Variants in SPTBN4 observed in about 807,000 individuals in gnomAD.
The protein encoded by SPTBN4 is spectrin beta, non-erythrocytic 4.
In SPTBN4, 96 loss-of-function variants were observed where a neutral mutation model predicts 277.8. The ratio of observed to expected loss-of-function variants is 0.35; its 90% CI spans 0.29 to 0.41. The LOEUF (loss-of-function observed/expected upper bound fraction) is 0.41. SPTBN4 is among the 10% of genes least tolerant of loss of function. The pLI is 1.00. For missense variants in SPTBN4, 3,006 were observed against 3,595.7 expected (o/e 0.84, Z 4.19); for synonymous variants, 1,481 against 1,580.3 (o/e 0.94, Z 1.49).
At chr19:40,572,669 G>T in intron 35 of SPTBN4, 1 of 448,912 alleles carries the variant, frequency 2.2e-6, no homozygotes, top group Non-Finnish European at 4.1e-6. Flanking sequence ...TTTAAAAAGG[G>T]GTGATTTGGC....
intron 20 of SPTBN4, among the ~76,000 whole-genome samples, chr19:40,541,559 C>T (rs1033799231): frequency 6.6e-6 from 1 of 152,158 alleles, no homozygotes; most frequent in Non-Finnish European, 1.5e-5. Context: ...GTCCCATCCA[C>T]CCTTAGGGCA....
At chr19:40,470,748 T>C (rs942784420) in intron 1 of SPTBN4, among the ~76,000 whole-genome samples, 5 of 152,074 alleles carry the variant, frequency 3.3e-5, no homozygotes, top group African/African-American at 9.7e-5. Flanking sequence ...TTCTCCTCCC[T>C]CAGCCTCCTG....
intron 7 of SPTBN4, among the ~76,000 whole-genome samples, chr19:40,498,413 A>AT (rs1555812395): frequency 7.8e-6 from 1 of 127,748 alleles, no homozygotes; most frequent in African/African-American, 3.2e-5. Context: ...TTATTTATTT[A>AT]TTTATTTTTT....
intron 25 of SPTBN4, 26 bp from the exon 26 acceptor site, chr19:40,556,997 C>CA (rs780562226): frequency 1.8e-4 from 63 of 353,114 alleles, no homozygotes; most frequent in South Asian, 3.5e-4. Flanking sequence ...CTTTGCTGTA[C>CA]CCCCCCCCCC....
intron 13 of SPTBN4, among the ~76,000 whole-genome samples, chr19:40,511,240 C>T (rs1444274948): frequency 8.7e-6 from 1 of 114,866 alleles, no homozygotes; most frequent in Non-Finnish European, 1.7e-5. Context: ...CCCATCTCTA[C>T]TAAAAATACA....
chr19:40,503,771 T>C (rs1354744176), intron 11 of SPTBN4, 59 bp from the exon 12 acceptor site: 1 of 1,515,636 alleles, frequency 6.6e-7, no homozygotes, highest in Non-Finnish European at 8.9e-7. Flanking sequence ...TCACACAGGG[T>C]CAAGGTAACA....
At chr19:40,504,405 A>G (rs1192690169) in intron 12 of SPTBN4, among the ~76,000 whole-genome samples, 2 of 152,162 alleles carry the variant, frequency 1.3e-5, no homozygotes, top group Admixed American at 6.5e-5. Flanking sequence ...GGTGGCTCAC[A>G]CCTGTAATAC....
intron 16 of SPTBN4, 58 bp downstream of exon 16, chr19:40,520,209 C>A: frequency 2.4e-6 from 3 of 1,273,076 alleles, no homozygotes; most frequent in South Asian, 2.7e-5. Context: ...GGGGGGATTG[C>A]AGGGACAGGG....
At chr19:40,572,946 C>T (rs566104973) in intron 35 of SPTBN4, among the ~76,000 whole-genome samples, 7 of 151,958 alleles carry the variant, frequency 4.6e-5, no homozygotes, top group African/African-American at 1.7e-4. Flanking sequence ...GGGACAACAG[C>T]GAGACTTCCT....
intron 20 of SPTBN4, among the ~76,000 whole-genome samples, chr19:40,539,811 A>G (rs1049755111): frequency 6.6e-6 from 1 of 152,112 alleles, no homozygotes; most frequent in Admixed American, 6.6e-5. Context: ...TAAAATGGGC[A>G]TAATGATATT....
intron 2 of SPTBN4, among the ~76,000 whole-genome samples, chr19:40,481,552 T>C (rs1434078887): frequency 6.6e-6 from 1 of 152,144 alleles, no homozygotes; most frequent in Admixed American, 6.6e-5. Flanking sequence ...CTCTGCTCAC[T>C]GCAACCCCCG....
At chr19:40,532,296 G>A (rs2080684650) in intron 18 of SPTBN4, among the ~76,000 whole-genome samples, 1 of 142,458 alleles carries the variant, frequency 7.0e-6, no homozygotes, top group African/African-American at 2.6e-5. Flanking sequence ...TTTGGGGGGG[G>A]TGATCTGTCC....
In SPTBN4 at chr19:40,554,275, C is replaced by T; in HGVS notation, c.4803C>T (p.Ser1601=). The T allele has an allele frequency of 6.5e-7, 1 of 1,535,514 alleles. No homozygotes were observed. The highest frequency in any genetic ancestry group is 8.7e-7 in the Non-Finnish European group (1 of 1,147,154). ...GCCGGGGCCTGGAGCAGCTGCAGAG[C>T]GCCTGGGCCGGACTGCGGGAGGCTG... is the stretch of plus-strand genomic sequence containing the variant. ...AVRRGLEQLQ[S]AWAGLREAAE... Residue 1601 remains serine, a synonymous_variant, in exon 23 of 36, where the codon AGC becomes AGT. Coordinates refer to ENST00000598249, the MANE Select transcript of SPTBN4 (RefSeq NM_020971.3). The surrounding 1 kb of genome is among the most constrained non-coding windows in gnomAD (Gnocchi z 5.7).
In SPTBN4 at chr19:40,557,144, C is replaced by T; in HGVS notation, c.5411C>T (p.Thr1804Ile). 6.2e-7 allele frequency: 1 copy of T among 1,611,384 alleles called. No homozygotes were observed. The highest frequency in any genetic ancestry group is 1.3e-5 in the African/African-American group (1 of 74,996). The change falls in exon 26 of 36, where the codon ACC (threonine) becomes ATC (isoleucine). Residue 1804 changes from threonine to isoleucine, a missense_variant. Physicochemically the swap from Thr to Ile is moderately conservative, Grantham distance 89. Transcript: ENST00000598249. ...GAGTGTGGCCATACAGCAGCGGCCA[C>T]CATGGCCGAGTGGAAGGACGGACTG... ...LIECGHTAAA[T>I]MAEWKDGLNE... is the part of the protein sequence containing the mutation.
At chr19:40,538,703 T>C (rs2080766116) in intron 20 of SPTBN4, among the ~76,000 whole-genome samples, 1 of 152,156 alleles carries the variant, frequency 6.6e-6, no homozygotes, top group Non-Finnish European at 1.5e-5. Flanking sequence ...ACCTGTCACC[T>C]CAGCCTCCTG....
At chr19:40,509,713 C>T (rs773348692) in intron 13 of SPTBN4, among the ~76,000 whole-genome samples, 18 of 152,190 alleles carry the variant, frequency 1.2e-4, no homozygotes, top group Non-Finnish European at 2.1e-4. Flanking sequence ...TGTTCTCCTC[C>T]TTTATCTGGA....
intron 2 of SPTBN4, among the ~76,000 whole-genome samples, chr19:40,473,973 C>G (rs546311899): frequency 1.6e-4 from 24 of 149,640 alleles, no homozygotes; most frequent in African/African-American, 5.9e-4. Flanking sequence ...GAAACCCTGT[C>G]TCTACTAAAA....
chr19:40,556,995 T>TTGCC, intron 25 of SPTBN4, 28 bp from the exon 26 acceptor site: 5 of 1,484,762 alleles, frequency 3.4e-6, no homozygotes, highest in Non-Finnish European at 4.5e-6. Flanking sequence ...CACTTTGCTG[T>TTGCC]ACCCCCCCCC....
intron 27 of SPTBN4, among the ~76,000 whole-genome samples, chr19:40,564,200 CA>C (rs1381238370): frequency 6.7e-6 from 1 of 148,678 alleles, no homozygotes; most frequent in African/African-American, 2.5e-5. Flanking sequence ...ACTAAAAATA[CA>C]AAAAAATTAG....
Sources: allele counts gnomAD v4.1 joint callset (sites outside exome capture counted in the v4.1 genomes callset), GRCh38; gene constraint gnomAD v4.1.1; non-coding constraint Gnocchi (gnomAD v3.1); transcripts MANE v1.5; gene names NCBI Gene and HGNC (gene_info 2026-07-23, HGNC 2026-07-21).